BLTP1: variants seen among roughly 807,000 people sequenced by gnomAD.
The protein encoded by BLTP1 is fragile site-associated protein.
At chr4:122,174,094 TG>T in the BLTP1 span, 1 of 554,246 alleles carries the variant, frequency 1.8e-6, no homozygotes, top group Non-Finnish European at 2.3e-6. Context: ...CCTAAACCAG[TG>T]GGAGAAAGGG....
At chr4:122,229,209 T>C in the BLTP1 span, 3 of 1,611,390 alleles carry the variant, frequency 1.9e-6, no homozygotes, top group Non-Finnish European at 2.5e-6. Context: ...GATATTTACA[T>C]TGTTGAGCAT....
the BLTP1 span, among the ~76,000 whole-genome samples, chr4:122,191,793 G>A: frequency 1.3e-5 from 2 of 151,914 alleles, 1 homozygote; most frequent in African/African-American, 4.8e-5. Flanking sequence ...AAATCCTTCA[G>A]TAACAGATTG....
the BLTP1 span, among the ~76,000 whole-genome samples, chr4:122,159,119 T>C: frequency 6.6e-6 from 1 of 152,188 alleles, no homozygotes. Context: ...TTGATTGTTA[T>C]TTGTGGCAAC....
the BLTP1 span, chr4:122,257,592 A>T: frequency 9.1e-7 from 1 of 1,102,860 alleles, no homozygotes; most frequent in Non-Finnish European, 1.3e-6. Context: ...TTGCTTAGAT[A>T]TTATGCATCT....
chr4:122,252,766 G>A, the BLTP1 span, among the ~76,000 whole-genome samples: 8 of 152,130 alleles, frequency 5.3e-5, no homozygotes, highest in South Asian at 8.3e-4. Context: ...GGCTGGCTTC[G>A]CCACCTGCTG....
the BLTP1 span, chr4:122,315,268 A>C: frequency 1.4e-5 from 4 of 294,736 alleles, no homozygotes; most frequent in African/African-American, 2.3e-5. Flanking sequence ...AGGGAAAAAG[A>C]AAATAGGTGC....
At chr4:122,233,537 T>C in the BLTP1 span, among the ~76,000 whole-genome samples, 1 of 152,216 alleles carries the variant, frequency 6.6e-6, no homozygotes, top group Non-Finnish European at 1.5e-5. Context: ...ATTTTGATGG[T>C]GTTTTAAGAT....
the BLTP1 span, chr4:122,162,623 C>G: frequency 3.0e-6 from 3 of 985,028 alleles, no homozygotes; most frequent in Non-Finnish European, 3.6e-6. Context: ...TTCCTTTCAG[C>G]TATCACCCTA....
chr4:122,285,270 G>T, the BLTP1 span, among the ~76,000 whole-genome samples: 1 of 152,136 alleles, frequency 6.6e-6, no homozygotes. Flanking sequence ...AACAGTAAAA[G>T]AATGACTATA....
the BLTP1 span, chr4:122,324,635 C>T: frequency 4.3e-6 from 4 of 930,002 alleles, no homozygotes; most frequent in Non-Finnish European, 6.1e-6. Context: ...ATTAAGATAA[C>T]AAAAATTAAT....
At chr4:122,341,881 A>G in the BLTP1 span, 23 of 916,734 alleles carry the variant, frequency 2.5e-5, no homozygotes, top group Non-Finnish European at 1.3e-6. Flanking sequence ...TTAGCGAAGC[A>G]GAGAACTGGG....
At chr4:122,347,154 C>T in the BLTP1 span, 1 of 984,276 alleles carries the variant, frequency 1.0e-6, no homozygotes, top group Non-Finnish European at 1.2e-6. Context: ...ATGCTGGGGA[C>T]ATGTTACTAG....
At chr4:122,183,035 TC>T in the BLTP1 span, 5 of 984,966 alleles carry the variant, frequency 5.1e-6, no homozygotes, top group Non-Finnish European at 6.0e-6. Flanking sequence ...ACTACTTTTC[TC>T]AAAAAGAAAA....
At chr4:122,163,047 C>T in the BLTP1 span, among the ~76,000 whole-genome samples, 2 of 152,160 alleles carry the variant, frequency 1.3e-5, no homozygotes, top group African/African-American at 4.8e-5. Flanking sequence ...CTAAAGCACA[C>T]AGTCATGTTT....
chr4:122,205,387 C>T, the BLTP1 span, among the ~76,000 whole-genome samples: 2 of 151,644 alleles, frequency 1.3e-5, no homozygotes, highest in African/African-American at 4.8e-5. Context: ...AAACTGATAA[C>T]ATTTAAGTCA....
chr4:122,208,000 A>G, the BLTP1 span: 1 of 985,260 alleles, frequency 1.0e-6, no homozygotes, highest in Non-Finnish European at 1.2e-6. Context: ...TTCAAGGAGT[A>G]ACCACAGTAG....
the BLTP1 span, chr4:122,210,809 T>G: frequency 6.5e-7 from 1 of 1,539,764 alleles, no homozygotes. Flanking sequence ...TTAGTGAATA[T>G]TTCCTTGAAG....
At chr4:122,224,420 G>A in the BLTP1 span, 1 of 1,441,430 alleles carries the variant, frequency 6.9e-7, no homozygotes, top group Non-Finnish European at 9.4e-7. Flanking sequence ...ATCTCTGCAG[G>A]GGGTGTGGGG....
At chr4:122,316,204 G>A in the BLTP1 span, 5 of 355,154 alleles carry the variant, frequency 1.4e-5, no homozygotes, top group Admixed American at 7.6e-5. Context: ...GTTATTTTGT[G>A]GCAAAAAGAA....
Sources: allele counts gnomAD v4.1 joint callset (sites outside exome capture counted in the v4.1 genomes callset), GRCh38; gene constraint gnomAD v4.1.1; transcripts MANE v1.5; gene names NCBI Gene and HGNC (gene_info 2026-07-23, HGNC 2026-07-21).